The following LZTFL1 variants were observed in gnomAD, a reference collection of about 807,000 sequenced individuals.
LZTFL1 encodes the protein leucine zipper transcription factor-like protein 1.
In LZTFL1, 25 loss-of-function variants were observed where a neutral mutation model predicts 45.9. The observed-to-expected ratio is 0.54, with a 90% CI of 0.40 to 0.76. The LOEUF (loss-of-function observed/expected upper bound fraction) is 0.76, where lower values mean the gene tolerates loss of function less well. Among genes scored for constraint, LZTFL1 ranks in the 30% least tolerant of loss-of-function variants. The pLI, the probability that LZTFL1 is intolerant of heterozygous loss-of-function variation, is 0.00. For synonymous variants in LZTFL1, 93 were observed against 117.4 expected, an observed-to-expected ratio of 0.79 and a Z score of 1.35; for missense variants, 277 against 331.1, an observed-to-expected ratio of 0.84 and a Z score of 1.27.
rs142258013 is a variant in LZTFL1, at chr3:45,879,192, C to A, written c.-214-20176G>T. Among the ~76,000 whole-genome samples the A allele has an allele frequency of 2.6e-5, 4 of 152,278 alleles. No homozygotes were observed. The East Asian group carries it at 7.7e-4, about 29-fold the overall frequency. On this transcript the variant is annotated intron_variant, in intron 2 of 4. Coordinates refer to the LZTFL1 transcript ENST00000472635. Reference sequence around the variant, plus strand: ...AAATGAGCTGAAACTTATGGCCACACAAAGATCTGCACACAGATGTTCACG... The same window carrying A: ...AAATGAGCTGAAACTTATGGCCACAAAAAGATCTGCACACAGATGTTCACG...
intron 1 of LZTFL1, among the ~76,000 whole-genome samples, chr3:45,840,086 A>T (rs1209200389): frequency 6.6e-6 from 1 of 152,216 alleles, no homozygotes; most frequent in African/African-American, 2.4e-5. Context: ...AACACCTAGC[A>T]TAGTGCCTTG....
intron 4 of LZTFL1, among the ~76,000 whole-genome samples, chr3:45,848,042 T>C (rs2125699860): frequency 6.6e-6 from 1 of 152,342 alleles, no homozygotes; most frequent in South Asian, 2.1e-4. Flanking sequence ...GACCCATCCT[T>C]TGCTGGCACT....
chr3:45,872,200 G>A (rs1477184024), intron 2 of LZTFL1, among the ~76,000 whole-genome samples: 1 of 152,152 alleles, frequency 6.6e-6, no homozygotes, highest in Non-Finnish European at 1.5e-5. Flanking sequence ...GAAAGGAAGG[G>A]GAAGGAGCTC....
Position 45,829,448 on chromosome 3 carries a change from T to C in LZTFL1, c.601-833A>G, listed in dbSNP as rs553142975. The stretch of plus-strand genomic sequence containing the variant: ...CAAGACCCCGTCTCTACAAAAAATA[T>C]AAAAAATTAGCCAGGCATGGTGGCA... On this transcript the variant is annotated intron_variant, in intron 7 of 9. Coordinates refer to ENST00000296135, the MANE Select transcript of LZTFL1 (RefSeq NM_020347.4). Among the ~76,000 whole-genome samples, 147 of 151,440 alleles carry C rather than the reference T, an allele frequency of 9.7e-4. 4 individuals carry two copies. The South Asian group carries it at 0.03, about 31-fold the overall frequency.
Position 45,901,201 on chromosome 3 carries a change from T to G in LZTFL1, c.-215+11919A>C. On this transcript the variant is annotated intron_variant, in intron 2 of 4. Coordinates refer to the LZTFL1 transcript ENST00000472635. The surrounding 1 kb of genome is among the most constrained non-coding windows in gnomAD (Gnocchi z 4.3). ...TTCTACAGCTGTGTGTTGCTGATCATGTGCATCAGCGTGGACAGGTACATT... is the reference window on the plus strand; with the variant it reads ...TTCTACAGCTGTGTGTTGCTGATCAGGTGCATCAGCGTGGACAGGTACATT... 6.2e-7 allele frequency: 1 copy of G among 1,614,100 alleles called. No homozygotes were observed. Among genetic ancestry groups the G allele is most frequent in the Non-Finnish European group, 8.5e-7 (1 of 1,179,886 alleles).
At chr3:45,886,845 A>T (rs554606562) in intron 2 of LZTFL1, among the ~76,000 whole-genome samples, 1 of 152,282 alleles carries the variant, frequency 6.6e-6, no homozygotes, top group South Asian at 2.1e-4. Context: ...GGTTTCTTGT[A>T]GGGCGAGTAA....
Position 45,842,050 on chromosome 3 carries a change from A to G in LZTFL1, c.-59T>C. ...GGAGAGGCCAGGCGGTGCCCCGCCA[A>G]GCCTGGGATCGCCGAGGGTAGTTGG... On this transcript the variant is annotated 5_prime_UTR_variant, in exon 1 of 10. Transcript: ENST00000296135. 1 of 1,603,688 alleles carries G rather than the reference A, an allele frequency of 6.2e-7. No individual in the cohort carries two copies. Among genetic ancestry groups the G allele is most frequent in the Non-Finnish European group, 8.5e-7 (1 of 1,176,646 alleles).
chr3:45,911,590 C>G (rs898614426), intron 2 of LZTFL1, among the ~76,000 whole-genome samples: 1 of 152,240 alleles, frequency 6.6e-6, no homozygotes, highest in Non-Finnish European at 1.5e-5. Context: ...TCAGTTTGCA[C>G]CATATGATCT....
chr3:45,856,729 G>A (rs4683146), intron 3 of LZTFL1, among the ~76,000 whole-genome samples: 62,769 of 151,898 alleles, frequency 0.41, 14,691 homozygotes, highest in East Asian at 0.65. Context: ...GAACAGACAC[G>A]TCTCAAAAGA....
intron 2 of LZTFL1, among the ~76,000 whole-genome samples, chr3:45,863,398 G>A (rs953677870): frequency 6.6e-6 from 1 of 152,188 alleles, no homozygotes; most frequent in African/African-American, 2.4e-5. Flanking sequence ...CCTCAGGGGA[G>A]TGGTTGATGG....
rs56325097 is a variant in LZTFL1 at position 45,901,059 on chromosome 3, G to A, written c.-215+12061C>T. The A allele has an allele frequency of 4.2e-5, 68 of 1,614,120 alleles. No individual in the cohort carries two copies. In the East Asian group the frequency reaches 1.4e-3, roughly 34 times the overall value. ...GACCGACATGTTCCTTTTGAATTTG[G>A]CAATTGCTGACCTCCTCTTTCTTGT... On this transcript the variant is annotated intron_variant, in intron 2 of 4. Coordinates refer to the LZTFL1 transcript ENST00000472635. This position sits in a 1 kb window ranked among gnomAD's most constrained non-coding sequence, Gnocchi z 4.3.
At chr3:45,867,147 CA>C (rs58937842) in intron 2 of LZTFL1, among the ~76,000 whole-genome samples, 11,619 of 63,206 alleles carry the variant, frequency 0.18, 259 homozygotes, top group South Asian at 0.36. Context: ...GACTCAATCT[CA>C]AAAAAAAAAA....
chr3:45,905,949 G>A (rs1275947183), intron 2 of LZTFL1, among the ~76,000 whole-genome samples: 1 of 152,152 alleles, frequency 6.6e-6, no homozygotes, highest in Non-Finnish European at 1.5e-5. Context: ...CCAGGGCTTT[G>A]TGAAGCCTTC....
intron 2 of LZTFL1, among the ~76,000 whole-genome samples, chr3:45,875,357 T>A (rs1559416135): frequency 6.6e-6 from 1 of 152,242 alleles, no homozygotes. Context: ...GCCTAGTGTG[T>A]TGCTATATAT....
intron 4 of LZTFL1, among the ~76,000 whole-genome samples, chr3:45,848,833 T>C (rs938858876): frequency 1.3e-5 from 2 of 152,230 alleles, no homozygotes; most frequent in Non-Finnish European, 2.9e-5. Context: ...TAGACCAACC[T>C]TTACATATAT....
At chr3:45,827,671 C>T (rs1700703948) in intron 8 of LZTFL1, among the ~76,000 whole-genome samples, 2 of 152,042 alleles carry the variant, frequency 1.3e-5, no homozygotes, top group African/African-American at 2.4e-5. Flanking sequence ...AAAATAGTAA[C>T]ATTTTCCCAA....
At chr3:45,868,336 C>T (rs1296362335) in intron 2 of LZTFL1, among the ~76,000 whole-genome samples, 2 of 151,984 alleles carry the variant, frequency 1.3e-5, no homozygotes, top group African/African-American at 4.8e-5. Context: ...TTCTGGCTTC[C>T]CTGAGAAGTT....
At chr3:45,859,791 C>CA (rs1701453842) in intron 2 of LZTFL1, among the ~76,000 whole-genome samples, 2 of 152,064 alleles carry the variant, frequency 1.3e-5, no homozygotes, top group Non-Finnish European at 2.9e-5. Flanking sequence ...CTCCCACCAC[C>CA]ACACCCGGCT....
At chr3:45,909,831 G>A (rs558644829) in intron 2 of LZTFL1, among the ~76,000 whole-genome samples, 21 of 152,308 alleles carry the variant, frequency 1.4e-4, no homozygotes, top group African/African-American at 4.8e-4. Context: ...TGAGCTCCAG[G>A]GTTTCTCTTG....
Sources: allele counts gnomAD v4.1 joint callset (sites outside exome capture counted in the v4.1 genomes callset), GRCh38; gene constraint gnomAD v4.1.1; non-coding constraint Gnocchi (gnomAD v3.1); transcripts MANE v1.5; gene names NCBI Gene and HGNC (gene_info 2026-07-23, HGNC 2026-07-21).